The following UNC79 variants were observed in gnomAD, a reference collection of about 807,000 sequenced individuals.
UNC79 encodes unc-79 subunit of NALCN channel complex.
In UNC79, 37 loss-of-function variants were observed where a neutral mutation model predicts 283.1. The ratio of observed to expected loss-of-function variants is 0.13; its 90% CI spans 0.10 to 0.17. UNC79 has a LOEUF of 0.17. Among genes scored for constraint, UNC79 ranks in the 10% least tolerant of loss-of-function variants. The pLI, the probability that UNC79 is intolerant of heterozygous loss-of-function variation, is 1.00. For synonymous variants in UNC79, 1,107 were observed against 1,200.2 expected, an observed-to-expected ratio of 0.92 and a Z score of 1.61; for missense variants, 2,272 against 3,211.1, an observed-to-expected ratio of 0.71 and a Z score of 7.07.
At chr14:93,605,907 A>G (rs1233893154) in intron 26 of UNC79, among the ~76,000 whole-genome samples, 2 of 152,286 alleles carry the variant, frequency 1.3e-5, no homozygotes, top group East Asian at 1.9e-4. Context: ...AGGAATAGCA[A>G]ACATTTGGTA....
At chr14:93,385,911 T>C (rs1377806457) in intron 1 of UNC79, among the ~76,000 whole-genome samples, 2 of 152,244 alleles carry the variant, frequency 1.3e-5, no homozygotes, top group African/African-American at 4.8e-5. Flanking sequence ...GATCATATCA[T>C]CTGCAAACAA....
intron 2 of UNC79, among the ~76,000 whole-genome samples, chr14:93,469,798 C>G (rs1433008305): frequency 6.6e-6 from 1 of 152,086 alleles, no homozygotes; most frequent in East Asian, 1.9e-4. Flanking sequence ...AGGAGGACTG[C>G]TTGACCCTAG....
intron 4 of UNC79, among the ~76,000 whole-genome samples, chr14:93,486,807 T>C (rs2058467314): frequency 6.6e-6 from 1 of 152,078 alleles, no homozygotes; most frequent in African/African-American, 2.4e-5. Context: ...TAATATGGTA[T>C]TTGATGTCAT....
At chr14:93,385,661 C>A (rs1341989380) in intron 1 of UNC79, among the ~76,000 whole-genome samples, 1 of 151,998 alleles carries the variant, frequency 6.6e-6, no homozygotes, top group Non-Finnish European at 1.5e-5. Context: ...CACCTGTAAT[C>A]CCAGCTACTT....
chr14:93,696,984 A>G (rs941671175), intron 47 of UNC79, among the ~76,000 whole-genome samples: 4 of 151,118 alleles, frequency 2.6e-5, no homozygotes, highest in Non-Finnish European at 5.9e-5. Flanking sequence ...CCTTTTTTGT[A>G]TATGGATAGT....
intron 1 of UNC79, among the ~76,000 whole-genome samples, chr14:93,443,771 G>A (rs1244752190): frequency 6.6e-6 from 1 of 152,122 alleles, no homozygotes; most frequent in Non-Finnish European, 1.5e-5. Flanking sequence ...AGTCACTCAT[G>A]TTGTTGGGTT....
intron 1 of UNC79, among the ~76,000 whole-genome samples, chr14:93,357,710 T>TATATATGG (rs1555398783): frequency 1.6e-5 from 2 of 126,544 alleles, no homozygotes; most frequent in East Asian, 4.4e-4. Flanking sequence ...TATATATATA[T>TATATATGG]ATATATATAT....
intron 22 of UNC79, among the ~76,000 whole-genome samples, chr14:93,587,236 TTAAG>T (rs1566716695): frequency 2.0e-5 from 3 of 152,198 alleles, no homozygotes; most frequent in Non-Finnish European, 2.9e-5. Flanking sequence ...CCTAGTATAA[TTAAG>T]TAAGGACTTA....
chr14:93,459,604 C>A (rs2056889534), intron 1 of UNC79, among the ~76,000 whole-genome samples: 1 of 150,278 alleles, frequency 6.7e-6, no homozygotes, highest in Non-Finnish European at 1.5e-5. Context: ...GTTAAACTAT[C>A]AGTTTTATAC....
At chr14:93,423,837 G>A (rs2055663757) in intron 1 of UNC79, among the ~76,000 whole-genome samples, 1 of 152,130 alleles carries the variant, frequency 6.6e-6, no homozygotes, top group Non-Finnish European at 1.5e-5. Flanking sequence ...CACAGGCACA[G>A]GCAACTGAAG....
chr14:93,640,997 T>C (rs144802534), intron 32 of UNC79, 148 bp from the exon 36 acceptor site: 2 of 521,632 alleles, frequency 3.8e-6, no homozygotes, highest in Non-Finnish European at 6.7e-6. Flanking sequence ...CATTTCATGA[T>C]TGAGGGCTTT....
chr14:93,530,648 G>A (rs546136977), intron 10 of UNC79, among the ~76,000 whole-genome samples: 3 of 151,854 alleles, frequency 2.0e-5, no homozygotes, highest in East Asian at 3.9e-4. Flanking sequence ...GGTGGCTCAC[G>A]CCTGTAATCC....
chr14:93,377,652 A>C (rs1018909142), intron 1 of UNC79, among the ~76,000 whole-genome samples: 1 of 152,258 alleles, frequency 6.6e-6, no homozygotes. Context: ...TTGAAATCCT[A>C]TAACGGAACT....
chr14:93,590,751 G>A (rs2064607810), intron 22 of UNC79, among the ~76,000 whole-genome samples: 1 of 152,328 alleles, frequency 6.6e-6, no homozygotes, highest in South Asian at 2.1e-4. Context: ...GCCCTCGAGA[G>A]CTGGGAAAGG....
At chr14:93,647,012 T>A (rs2069688396) in intron 35 of UNC79, among the ~76,000 whole-genome samples, 1 of 152,212 alleles carries the variant, frequency 6.6e-6, no homozygotes, top group South Asian at 2.1e-4. Flanking sequence ...GCCCACCCTG[T>A]GCTAGACACT....
At chr14:93,348,950 T>G (rs574355496) in intron 1 of UNC79, among the ~76,000 whole-genome samples, 1 of 152,372 alleles carries the variant, frequency 6.6e-6, no homozygotes, top group East Asian at 1.9e-4. Context: ...CCTTCCGCAC[T>G]GTGGAAGCTT....
At chr14:93,609,539 C>T (rs988024103) in intron 26 of UNC79, among the ~76,000 whole-genome samples, 7 of 152,078 alleles carry the variant, frequency 4.6e-5, no homozygotes, top group Admixed American at 2.0e-4. Flanking sequence ...TATATTTTCT[C>T]TTTATAGAAA....
At chr14:93,539,270 C>T (rs1447963329) in intron 12 of UNC79, among the ~76,000 whole-genome samples, 4 of 149,866 alleles carry the variant, frequency 2.7e-5, no homozygotes, top group African/African-American at 9.8e-5. Context: ...CGCCTGTAAT[C>T]CCAGCACTTT....
chr14:93,413,023 C>A (rs2055367787), intron 1 of UNC79, among the ~76,000 whole-genome samples: 1 of 152,022 alleles, frequency 6.6e-6, no homozygotes, highest in Non-Finnish European at 1.5e-5. Flanking sequence ...GGTGTGTAGA[C>A]AACTCTTATT....
Sources: gnomAD v4.1 joint callset for allele counts (sites outside exome capture counted in the v4.1 genomes callset) on GRCh38, gnomAD v4.1.1 for gene constraint, MANE v1.5 for transcripts, NCBI Gene and HGNC (gene_info 2026-07-23, HGNC 2026-07-21) for gene names.